Variants in SLCO5A1 observed in about 807,000 individuals in gnomAD.
SLCO5A1 encodes the protein organic anion transporter polypeptide-related protein 4.
SLCO5A1 carries 39 observed loss-of-function variants against 65.1 expected under a neutral mutation model. That is an observed-to-expected ratio of 0.60 (90% CI 0.46 to 0.78). SLCO5A1 has a LOEUF of 0.78. SLCO5A1 is among the 30% of genes least tolerant of loss of function. The pLI is 0.00. For missense variants in SLCO5A1, 1,029 were observed against 1,069.4 expected (o/e 0.96, Z 0.53); for synonymous variants, 438 against 415.7 (o/e 1.05, Z -0.65).
At chr8:69,812,789 T>C (rs1820261811) in intron 2 of SLCO5A1, among the ~76,000 whole-genome samples, 1 of 152,182 alleles carries the variant, frequency 6.6e-6, no homozygotes, top group Non-Finnish European at 1.5e-5. Context: ...AATAACAAAA[T>C]AACTGGAGAC....
rs576802532 is a variant in SLCO5A1 at position 69,701,278 on chromosome 8, A to G, written c.1622+3753T>C. 1.5e-3 allele frequency among the ~76,000 whole-genome samples: 229 copies of G among 152,332 alleles called. 2 individuals are homozygous for G. The highest frequency in any genetic ancestry group is 0.015 in the South Asian group (70 of 4,824). On this transcript the variant is annotated intron_variant, in intron 6 of 9. Coordinates refer to ENST00000260126, the MANE Select transcript of SLCO5A1 (RefSeq NM_030958.3). ...ACACAAATAAGGAAATCTAATCATG[A>G]TACTGTAAACCAAAAATAAAATTCT...
In SLCO5A1 at chr8:69,672,812, T is replaced by C. The variant is rs1169378700; in HGVS notation, c.*57A>G. On this transcript the variant is annotated 3_prime_UTR_variant, in exon 10 of 10. Coordinates refer to ENST00000260126, the MANE Select transcript of SLCO5A1 (RefSeq NM_030958.3). ...AGAAAGAAAAGAAGGCACAGTTGTTTCTCAAGTCGCCATTTTCAATTCAAC... is the reference window on the plus strand; with the variant it reads ...AGAAAGAAAAGAAGGCACAGTTGTTCCTCAAGTCGCCATTTTCAATTCAAC... 6.5e-7 allele frequency: 1 copy of C among 1,534,514 alleles called. No homozygotes were observed. The highest frequency in any genetic ancestry group is 8.8e-7 in the Non-Finnish European group (1 of 1,140,118).
chr8:69,824,878 A>T (rs1360583918), intron 2 of SLCO5A1, among the ~76,000 whole-genome samples: 1 of 152,248 alleles, frequency 6.6e-6, no homozygotes, highest in African/African-American at 2.4e-5. Context: ...AAAATCCTCA[A>T]TAAAATACTG....
At chr8:69,730,548 G>A (rs951729008) in intron 5 of SLCO5A1, among the ~76,000 whole-genome samples, 2 of 152,168 alleles carry the variant, frequency 1.3e-5, no homozygotes, top group East Asian at 3.9e-4. Flanking sequence ...GTCCCTGCGA[G>A]GAGTAACTAC....
chr8:69,722,393 G>GA (rs2130827637), intron 5 of SLCO5A1, among the ~76,000 whole-genome samples: 1 of 152,192 alleles, frequency 6.6e-6, no homozygotes, highest in African/African-American at 2.4e-5. Flanking sequence ...AACAGACTGA[G>GA]AAAATGAAAT....
At position 69,672,918 on chromosome 8, in the gene SLCO5A1, G is replaced by T. The variant is rs200876342; in HGVS notation, c.2498C>A (p.Ala833Glu). ...GPFPEAISSS[A>E]DPGLEESPAA... ...GGGGCTCTCTTCCAGCCCCGGGTCCGCAGAGGAACTTATTGCTTCTGGGAA... is the reference window on the plus strand; with the variant it reads ...GGGGCTCTCTTCCAGCCCCGGGTCCTCAGAGGAACTTATTGCTTCTGGGAA... The change falls in exon 10 of 10, where the codon GCG becomes GAG. Residue 833 changes from alanine to glutamate, a missense_variant. Transcript: ENST00000260126. 53 of 1,614,132 alleles carry T rather than the reference G, an allele frequency of 3.3e-5. No individual in the cohort carries two copies. The East Asian group carries it at 1.0e-3, about 31-fold the overall frequency.
chr8:69,673,555 G>A (rs1395702485), intron 9 of SLCO5A1, among the ~76,000 whole-genome samples: 1 of 151,924 alleles, frequency 6.6e-6, no homozygotes, highest in Non-Finnish European at 1.5e-5. Context: ...CCCAGAATGC[G>A]CTGTTGATTT....
intron 3 of SLCO5A1, among the ~76,000 whole-genome samples, chr8:69,756,431 G>C (rs1817544453): frequency 6.6e-6 from 1 of 152,046 alleles, no homozygotes; most frequent in South Asian, 2.1e-4. Context: ...AGAATGTATT[G>C]CCTCCCACTT....
At chr8:69,711,922 G>C (rs1156625212) in intron 5 of SLCO5A1, among the ~76,000 whole-genome samples, 1 of 152,122 alleles carries the variant, frequency 6.6e-6, no homozygotes, top group Non-Finnish European at 1.5e-5. Context: ...GTTTAAATTT[G>C]CACATATATA....
rs1818975763 is a variant in SLCO5A1 at position 69,784,907 on chromosome 8, A to AAGAAAGG, written c.908-23033_908-23032insCCTTTCT. ...AGAAAGAAGAAAGGAAGAAAGAAAGAAAGAAAGAAAGAAAGAAAGAAAGAA... is the reference window on the plus strand; with the variant it reads ...AGAAAGAAGAAAGGAAGAAAGAAAGAAGAAAGGAAGAAAGAAAGAAAGAAAGAAAGAA... On this transcript the variant is annotated intron_variant, in intron 2 of 9. Coordinates refer to ENST00000260126, the MANE Select transcript of SLCO5A1 (RefSeq NM_030958.3). Among the ~76,000 whole-genome samples, 656 of 89,942 alleles carry AAGAAAGG rather than the reference A, an allele frequency of 7.3e-3. 8 individuals carry two copies. The highest frequency in any genetic ancestry group is 0.032 in the African/African-American group (570 of 17,756). The allele number at this position is 89,942 out of a possible 152,430, so 59.0% of individuals were successfully genotyped here.
intron 4 of SLCO5A1, among the ~76,000 whole-genome samples, chr8:69,747,996 C>G (rs1817115084): frequency 6.6e-6 from 1 of 152,202 alleles, no homozygotes; most frequent in Non-Finnish European, 1.5e-5. Flanking sequence ...TATGTGCCCT[C>G]ATTTCCTGCT....
chr8:69,740,042 T>A (rs187380665), intron 4 of SLCO5A1, among the ~76,000 whole-genome samples: 1 of 152,242 alleles, frequency 6.6e-6, no homozygotes, highest in African/African-American at 2.4e-5. Flanking sequence ...TTTTCTTCTA[T>A]AGCCATTTGG....
At chr8:69,712,716 G>A (rs1815325850) in intron 5 of SLCO5A1, among the ~76,000 whole-genome samples, 1 of 152,060 alleles carries the variant, frequency 6.6e-6, no homozygotes, top group Admixed American at 6.6e-5. Flanking sequence ...TTTCTTTAAG[G>A]TTCTTGTCTA....
intron 9 of SLCO5A1, among the ~76,000 whole-genome samples, chr8:69,674,594 A>T (rs1813469663): frequency 6.6e-6 from 1 of 152,184 alleles, no homozygotes; most frequent in South Asian, 2.1e-4. Context: ...TTAAATAATA[A>T]ATGTCTGAAA....
chr8:69,683,092 C>G (rs1586678257), intron 6 of SLCO5A1, among the ~76,000 whole-genome samples: 1 of 151,918 alleles, frequency 6.6e-6, no homozygotes, highest in Non-Finnish European at 1.5e-5. Flanking sequence ...TAAATTCAGG[C>G]AACAAATATA....
At chr8:69,810,246 A>G (rs1820158732) in intron 2 of SLCO5A1, among the ~76,000 whole-genome samples, 1 of 152,208 alleles carries the variant, frequency 6.6e-6, no homozygotes, top group African/African-American at 2.4e-5. Flanking sequence ...CCAAGGAAAT[A>G]GTGCACTAGC....
intron 2 of SLCO5A1, among the ~76,000 whole-genome samples, chr8:69,805,282 C>A (rs1041950402): frequency 6.6e-6 from 1 of 152,042 alleles, no homozygotes; most frequent in Non-Finnish European, 1.5e-5. Flanking sequence ...ACAGGGAAAT[C>A]CCAATGGCCA....
At chr8:69,734,766 T>C (rs1000876239) in intron 5 of SLCO5A1, among the ~76,000 whole-genome samples, 1 of 152,214 alleles carries the variant, frequency 6.6e-6, no homozygotes, top group Non-Finnish European at 1.5e-5. Flanking sequence ...GAATTTGAAC[T>C]CAAAAACTTT....
At chr8:69,703,116 AAAAAAAAAG>A (rs1343321911) in intron 6 of SLCO5A1, among the ~76,000 whole-genome samples, 3 of 125,946 alleles carry the variant, frequency 2.4e-5, no homozygotes, top group Non-Finnish European at 5.4e-5. Context: ...GTTTCAAAAA[AAAAAAAAAG>A]AAAAAAGAAA....
Sources: gnomAD v4.1 joint callset for allele counts (sites outside exome capture counted in the v4.1 genomes callset) on GRCh38, gnomAD v4.1.1 for gene constraint, MANE v1.5 for transcripts, NCBI Gene and HGNC (gene_info 2026-07-23, HGNC 2026-07-21) for gene names.